Variants in ZDHHC14 observed in about 807,000 individuals in gnomAD.
ZDHHC14 encodes the protein zDHHC palmitoyltransferase 14.
In ZDHHC14, 16 loss-of-function variants were observed where a neutral mutation model predicts 47.7. That is an observed-to-expected ratio of 0.34 (90% CI 0.23 to 0.51). ZDHHC14 has a LOEUF of 0.51. Among genes scored for constraint, ZDHHC14 ranks in the 20% least tolerant of loss-of-function variants. ZDHHC14 has a pLI of 0.97. For missense variants in ZDHHC14, 515 were observed against 662.5 expected (o/e 0.78, Z 2.44); for synonymous variants, 293 against 278.9 (o/e 1.05, Z -0.50).
At chr6:157,571,041 T>A (rs1272935175) in intron 2 of ZDHHC14, among the ~76,000 whole-genome samples, 1 of 152,230 alleles carries the variant, frequency 6.6e-6, no homozygotes, top group Non-Finnish European at 1.5e-5. Context: ...TCATACTCTT[T>A]ACTGGGGCCA....
rs929913041 is a variant in ZDHHC14, at chr6:157,676,203, C to T, written c.*3081C>T. ...CAGGAAGGTGGCAGACAGACTGCAT[C>T]CAGGAGGGCACAGTGACCTGTCACT... On this transcript the variant is annotated 3_prime_UTR_variant, in exon 9 of 9. Coordinates refer to ENST00000359775, the MANE Select transcript of ZDHHC14 (RefSeq NM_024630.3). 1 of 152,282 alleles carries T rather than the reference C, an allele frequency of 6.6e-6. No individual in the cohort carries two copies. The highest frequency in any genetic ancestry group is 1.5e-5 in the Non-Finnish European group (1 of 68,062). The allele number at this position is 152,282 out of a possible 1,614,324, so 9.4% of individuals were successfully genotyped here. A position where few individuals can be genotyped will look rare whatever the true frequency, so the allele number is the denominator to read the frequency against.
chr6:157,494,886 A>G (rs909548368), intron 1 of ZDHHC14, among the ~76,000 whole-genome samples: 11 of 152,170 alleles, frequency 7.2e-5, no homozygotes, highest in Non-Finnish European at 1.5e-4. Context: ...ACCAACAGGC[A>G]AATAATGCTC....
At chr6:157,426,573 C>T (rs1778225071) in intron 1 of ZDHHC14, among the ~76,000 whole-genome samples, 1 of 152,094 alleles carries the variant, frequency 6.6e-6, no homozygotes, top group Non-Finnish European at 1.5e-5. Flanking sequence ...GGGTCTGGCA[C>T]CCAGAAGAGA....
At position 157,542,671 on chromosome 6, in the gene ZDHHC14, G is replaced by A. The variant is rs1261206779; in HGVS notation, c.332G>A (p.Arg111His). 6 of 1,614,032 alleles carry A rather than the reference G, an allele frequency of 3.7e-6. No individual in the cohort carries two copies. The East Asian group carries it at 8.9e-5, about 24-fold the overall frequency. Residue 111 changes from arginine (R) to histidine (H), a missense_variant, in exon 2 of 9, where the codon CGC becomes CAC. Transcript: ENST00000359775. ...LFFFVMGTLLRTSFSDPGVLP... is the reference protein window; with the variant it reads ...LFFFVMGTLLHTSFSDPGVLP... ...TTCTTTGTGATGGGGACCCTGCTCC[G>A]CACCAGCTTCAGCGACCCCGGAGTC... is the stretch of plus-strand genomic sequence containing the variant.
intron 1 of ZDHHC14, among the ~76,000 whole-genome samples, chr6:157,530,182 A>G (rs2114781657): frequency 6.6e-6 from 1 of 152,360 alleles, no homozygotes; most frequent in Non-Finnish European, 1.5e-5. Context: ...GAAAAAAAGA[A>G]AAAAGAAAAT....
intron 1 of ZDHHC14, among the ~76,000 whole-genome samples, chr6:157,456,351 G>A (rs1364784830): frequency 6.6e-6 from 1 of 152,134 alleles, no homozygotes; most frequent in African/African-American, 2.4e-5. Context: ...CCCTCTCCTC[G>A]TTCATCCTGG....
intron 1 of ZDHHC14, among the ~76,000 whole-genome samples, chr6:157,510,102 G>C (rs1329284920): frequency 6.6e-6 from 1 of 152,130 alleles, no homozygotes; most frequent in Non-Finnish European, 1.5e-5. Context: ...AACATTAGTG[G>C]GGCATGATGG....
intron 3 of ZDHHC14, among the ~76,000 whole-genome samples, chr6:157,604,549 A>G (rs886247620): frequency 2.5e-4 from 33 of 129,616 alleles, no homozygotes; most frequent in African/African-American, 1.0e-3. Flanking sequence ...TGTATTTGTT[A>G]CTCTTTTTTT....
chr6:157,614,741 G>C (rs1362542789), intron 3 of ZDHHC14, among the ~76,000 whole-genome samples: 2 of 151,292 alleles, frequency 1.3e-5, no homozygotes, highest in East Asian at 1.9e-4. Flanking sequence ...TTCGTGTTCT[G>C]CTCTCTCCAG....
intron 5 of ZDHHC14, among the ~76,000 whole-genome samples, chr6:157,642,066 A>ATAGTTAGT (rs201660327): frequency 1.1e-3 from 159 of 147,830 alleles, no homozygotes; most frequent in African/African-American, 3.3e-3. Context: ...AGATAGATAG[A>ATAGTTAGT]TAGTTATCAT....
At chr6:157,602,952 C>T (rs1324312909) in intron 3 of ZDHHC14, among the ~76,000 whole-genome samples, 1 of 152,230 alleles carries the variant, frequency 6.6e-6, no homozygotes, top group Non-Finnish European at 1.5e-5. Flanking sequence ...TCCATGCTTT[C>T]GGGTCCAAGC....
intron 3 of ZDHHC14, 77 bp downstream of exon 3, chr6:157,593,223 CG>C: frequency 3.3e-6 from 5 of 1,499,074 alleles, no homozygotes; most frequent in Non-Finnish European, 4.5e-6. Flanking sequence ...CCCTGCGCCA[CG>C]GAACACTCAG....
chr6:157,512,769 T>G (rs1192846604), intron 1 of ZDHHC14, among the ~76,000 whole-genome samples: 1 of 152,234 alleles, frequency 6.6e-6, no homozygotes, highest in Non-Finnish European at 1.5e-5. Context: ...TTCCAGTATG[T>G]ATATTTTCTA....
rs1777523316 is a variant in ZDHHC14, at chr6:157,645,849, T to C, written c.855+10T>C. On this transcript the variant is annotated intron_variant, in intron 6 of 8. Transcript: ENST00000359775. ...GACAACAAATGAGGACGTAAGTTCC[T>C]GACCACACGGGACACGGGCGTGTTC... The C allele has an allele frequency of 1.2e-6, 2 of 1,612,508 alleles. No individual in the cohort carries two copies. The highest frequency in any genetic ancestry group is 4.5e-5 in the East Asian group (2 of 44,872).
chr6:157,408,975 A>T (rs894459689), intron 1 of ZDHHC14, among the ~76,000 whole-genome samples: 12 of 152,116 alleles, frequency 7.9e-5, no homozygotes, highest in Non-Finnish European at 1.6e-4. Flanking sequence ...TGGCGATTGC[A>T]TCTGAGTTCC....
At chr6:157,392,324 T>C (rs1306017335) in intron 1 of ZDHHC14, among the ~76,000 whole-genome samples, 2 of 152,236 alleles carry the variant, frequency 1.3e-5, no homozygotes, top group Admixed American at 1.3e-4. Context: ...CTAGCTTAAT[T>C]TGATGCTGAT....
In ZDHHC14 at chr6:157,672,878, C is replaced by T. The variant is rs762280965; in HGVS notation, c.1223C>T (p.Pro408Leu). Residue 408 changes from proline to leucine, a missense_variant, in exon 9 of 9, where the codon CCG becomes CTG. By Grantham distance (98) the Pro-to-Leu change is moderately conservative. Transcript: ENST00000359775. ...CCCTGCGCCAGCCTCACACTGGGCCCGCCCACACCGCCCGCCTCCATGCCC... is the reference window on the plus strand; with the variant it reads ...CCCTGCGCCAGCCTCACACTGGGCCTGCCCACACCGCCCGCCTCCATGCCC... ...GTPCASLTLG[P>L]PTPPASMPNL... 93 of 1,606,454 alleles carry T rather than the reference C, an allele frequency of 5.8e-5. No homozygotes were observed. The highest frequency in any genetic ancestry group is 7.4e-5 in the Non-Finnish European group (87 of 1,177,766).
intron 1 of ZDHHC14, among the ~76,000 whole-genome samples, chr6:157,405,747 GACTA>G (rs1449518833): frequency 1.3e-5 from 2 of 152,116 alleles, no homozygotes; most frequent in Non-Finnish European, 2.9e-5. Flanking sequence ...TATTATAATT[GACTA>G]ACTGCTTGTC....
chr6:157,637,523 T>C (rs1288774679), intron 5 of ZDHHC14, among the ~76,000 whole-genome samples: 2 of 152,180 alleles, frequency 1.3e-5, no homozygotes, highest in African/African-American at 2.4e-5. Flanking sequence ...CGTCCTTTGA[T>C]TGATGGCAGA....
Sources: allele counts gnomAD v4.1 joint callset (sites outside exome capture counted in the v4.1 genomes callset), GRCh38; gene constraint gnomAD v4.1.1; transcripts MANE v1.5; gene names NCBI Gene and HGNC (gene_info 2026-07-23, HGNC 2026-07-21).